Variants in AAK1 observed in about 807,000 individuals in gnomAD.
AAK1 encodes the protein AP2-associated protein kinase 1.
AAK1 carries 37 observed loss-of-function variants against 116.0 expected under a neutral mutation model. The ratio of observed to expected loss-of-function variants is 0.32; its 90% CI spans 0.25 to 0.42. The LOEUF (loss-of-function observed/expected upper bound fraction) is 0.42, where lower values mean the gene tolerates loss of function less well. AAK1 is among the 10% of genes least tolerant of loss of function. AAK1 has a pLI of 1.00. For synonymous variants in AAK1, 458 were observed against 439.9 expected, an observed-to-expected ratio of 1.04 and a Z score of -0.51; for missense variants, 919 against 1,170.6, an observed-to-expected ratio of 0.79 and a Z score of 3.14.
intron 4 of AAK1, among the ~76,000 whole-genome samples, chr2:69,543,880 T>G (rs999302917): frequency 6.6e-6 from 1 of 152,172 alleles, no homozygotes; most frequent in African/African-American, 2.4e-5. Flanking sequence ...AAGATAAATG[T>G]TTTTTTGAAA....
chr2:69,505,439 CATAT>C, intron 16 of AAK1, 126 bp downstream of exon 16: 14 of 436,674 alleles, frequency 3.2e-5, no homozygotes, highest in East Asian at 1.2e-4. Context: ...CCATGAAAAA[CATAT>C]ATATATATAT....
At chr2:69,585,199 T>C (rs1445921273) in intron 2 of AAK1, among the ~76,000 whole-genome samples, 4 of 152,234 alleles carry the variant, frequency 2.6e-5, no homozygotes, top group African/African-American at 4.8e-5. Flanking sequence ...TAATCTCCAA[T>C]TGGCATAACA....
At chr2:69,482,615 G>T in intron 18 of AAK1, 96 bp downstream of exon 18, 1 of 976,560 alleles carries the variant, frequency 1.0e-6, no homozygotes, top group Non-Finnish European at 1.6e-6. Flanking sequence ...GGGGTGGCAG[G>T]GCTATTCCCC....
intron 2 of AAK1, among the ~76,000 whole-genome samples, chr2:69,624,345 G>A (rs1270257207): frequency 6.6e-6 from 1 of 152,186 alleles, no homozygotes; most frequent in Non-Finnish European, 1.5e-5. Flanking sequence ...AATTGGTTAA[G>A]TAAATTGCAA....
intron 17 of AAK1, among the ~76,000 whole-genome samples, chr2:69,483,780 G>C (rs1675185512): frequency 6.6e-6 from 1 of 152,090 alleles, no homozygotes; most frequent in African/African-American, 2.4e-5. Context: ...CCCAAAAATG[G>C]ATTACTCTTG....
chr2:69,482,615 G>A lies in AAK1; in HGVS notation c.2467+96C>T, dbSNP rs1404701214. 3.1e-6 allele frequency: 3 copies of A among 976,442 alleles called. No individual in the cohort carries two copies. In the African/African-American group the frequency reaches 4.8e-5, roughly 16 times the overall value. The allele number at this position is 976,442 out of a possible 1,614,324, so 60.5% of individuals were successfully genotyped here. A position where few individuals can be genotyped will look rare whatever the true frequency, so the allele number is the denominator to read the frequency against. On this transcript the variant is annotated intron_variant, in intron 18 of 21. Transcript: ENST00000409085. ...ATAGCCTTGGCTTCTGGGGTGGCAG[G>A]GCTATTCCCCAGGGATTGGTTAACT...
intron 2 of AAK1, among the ~76,000 whole-genome samples, chr2:69,576,961 C>A (rs114462514): frequency 0.013 from 1,994 of 152,338 alleles, 46 homozygotes; most frequent in African/African-American, 0.045. Flanking sequence ...TAGTCCCTAC[C>A]AGACCTTCAC....
chr2:69,616,625 C>T (rs1489995282), intron 2 of AAK1, among the ~76,000 whole-genome samples: 1 of 152,106 alleles, frequency 6.6e-6, no homozygotes, highest in Non-Finnish European at 1.5e-5. Context: ...CACCAGCATC[C>T]CTGACCTCCA....
chr2:69,504,970 T>C (rs1676122192), intron 16 of AAK1, among the ~76,000 whole-genome samples: 1 of 152,180 alleles, frequency 6.6e-6, no homozygotes, highest in African/African-American at 2.4e-5. Context: ...ATAATCAAAA[T>C]GTATAATTTT....
At chr2:69,540,784 C>T (rs868337088) in intron 5 of AAK1, among the ~76,000 whole-genome samples, 9 of 152,314 alleles carry the variant, frequency 5.9e-5, no homozygotes, top group Non-Finnish European at 1.0e-4. Context: ...CATATGTCCA[C>T]ACAAAAACTG....
intron 16 of AAK1, among the ~76,000 whole-genome samples, chr2:69,501,714 T>C (rs1675986135): frequency 1.3e-5 from 2 of 152,228 alleles, no homozygotes; most frequent in South Asian, 4.1e-4. Context: ...CTCACGCCTG[T>C]AATCCCAGCA....
At chr2:69,528,430 T>C (rs1202405748) in intron 8 of AAK1, among the ~76,000 whole-genome samples, 1 of 152,120 alleles carries the variant, frequency 6.6e-6, no homozygotes, top group Admixed American at 6.5e-5. Context: ...AGTAAAGGCA[T>C]GAGCTGACAG....
chr2:69,495,640 T>C (rs1437573496), intron 17 of AAK1, among the ~76,000 whole-genome samples: 1 of 152,218 alleles, frequency 6.6e-6, no homozygotes, highest in African/African-American at 2.4e-5. Flanking sequence ...ATCATGTGCT[T>C]ACAGCCTCCC....
chr2:69,490,597 T>A (rs1301485563), intron 17 of AAK1, among the ~76,000 whole-genome samples: 2 of 151,964 alleles, frequency 1.3e-5, no homozygotes, highest in Non-Finnish European at 2.9e-5. Flanking sequence ...TTACATTCGG[T>A]TCCTAGAGTA....
chr2:69,522,503 G>T (rs1385305286), intron 10 of AAK1, among the ~76,000 whole-genome samples: 1 of 152,044 alleles, frequency 6.6e-6, no homozygotes. Context: ...AAGAAGAAAG[G>T]TGTAAGAAAG....
chr2:69,597,195 T>C (rs917903457), intron 2 of AAK1, among the ~76,000 whole-genome samples: 1 of 146,586 alleles, frequency 6.8e-6, no homozygotes, highest in African/African-American at 2.7e-5. Flanking sequence ...TCTGAGATTC[T>C]CTTTTTTTTT....
intron 2 of AAK1, among the ~76,000 whole-genome samples, chr2:69,637,597 T>C (rs998174395): frequency 2.6e-5 from 4 of 152,224 alleles, no homozygotes; most frequent in Admixed American, 6.5e-5. Context: ...AATACGTTTC[T>C]ATTATTATCA....
intron 2 of AAK1, among the ~76,000 whole-genome samples, chr2:69,592,154 T>C (rs60046624): frequency 0.016 from 2,419 of 152,282 alleles, 59 homozygotes; most frequent in African/African-American, 0.055. Flanking sequence ...TAGACTAGAA[T>C]ACAATTTTCA....
At chr2:69,610,979 G>A (rs1048726844) in intron 2 of AAK1, among the ~76,000 whole-genome samples, 8 of 152,198 alleles carry the variant, frequency 5.3e-5, no homozygotes, top group African/African-American at 1.9e-4. Context: ...TAAAAAAGCT[G>A]AGCACTGAAC....
Sources: allele counts gnomAD v4.1 joint callset (sites outside exome capture counted in the v4.1 genomes callset), GRCh38; gene constraint gnomAD v4.1.1; transcripts MANE v1.5; gene names NCBI Gene and HGNC (gene_info 2026-07-23, HGNC 2026-07-21).